VPS26C: variants seen among roughly 807,000 people sequenced by gnomAD.
VPS26C encodes vacuolar protein sorting-associated protein 26C.
VPS26C carries 19 observed loss-of-function variants against 30.6 expected under a neutral mutation model. The ratio of observed to expected loss-of-function variants is 0.62; its 90% CI spans 0.43 to 0.91. The LOEUF (loss-of-function observed/expected upper bound fraction) is 0.91. VPS26C is among the 40% of genes least tolerant of loss of function. The pLI, the probability that VPS26C is intolerant of heterozygous loss-of-function variation, is 0.00. For synonymous variants in VPS26C, 132 were observed against 151.5 expected, an observed-to-expected ratio of 0.87 and a Z score of 0.95; for missense variants, 318 against 385.1, an observed-to-expected ratio of 0.83 and a Z score of 1.46.
rs2086076495 is a variant in VPS26C, at chr21:37,240,610, C to T, written c.87G>A (p.Ser29=). 1.1e-5 allele frequency: 17 copies of T among 1,614,032 alleles called. No homozygotes were observed. The highest frequency in any genetic ancestry group is 1.7e-5 in the Admixed American group (1 of 60,006). ...CCTGGTGTTGGACTGAATCCTTACT[C>T]GATATGACCACCACGCCAGAGAGCA... ...GEVLSGVVVI[S]SKDSVQHQGV... The change falls in exon 2 of 8, where the codon TCG becomes TCA. Residue 29 remains serine, a synonymous_variant. Transcript: ENST00000309117.
intron 1 of VPS26C, among the ~76,000 whole-genome samples, chr21:37,241,770 T>C (rs2086090394): frequency 6.6e-6 from 1 of 152,320 alleles, no homozygotes; most frequent in African/African-American, 2.4e-5. Context: ...TGCAGCGAGC[T>C]GTGACTACGC....
intron 1 of VPS26C, chr21:37,261,264 G>A (rs2086301008): frequency 6.6e-6 from 1 of 152,168 alleles, no homozygotes; most frequent in Non-Finnish European, 1.5e-5. Flanking sequence ...CTGTGTAGAA[G>A]TTTTTTAGCT....
chr21:37,240,403 G>T, intron 2 of VPS26C, 93 bp downstream of exon 2: 1 of 1,431,162 alleles, frequency 7.0e-7, no homozygotes, highest in Non-Finnish European at 9.6e-7. Context: ...GAGATTACAG[G>T]CCTGAGCCAC....
chr21:37,267,623 G>A (rs1602295924), upstream of VPS26C: 21 of 350,058 alleles, frequency 6.0e-5, no homozygotes, highest in East Asian at 1.3e-3. Flanking sequence ...TGCTGTCCGG[G>A]TTAGCGGAGG....
intron 7 of VPS26C, chr21:37,227,299 C>G (rs1569229971): frequency 4.6e-6 from 1 of 217,946 alleles, no homozygotes; most frequent in Non-Finnish European, 9.2e-6. Flanking sequence ...CTCAGCGTCA[C>G]CTGCCCATGT....
chr21:37,236,478 A>G (rs2086026056), intron 3 of VPS26C, among the ~76,000 whole-genome samples: 1 of 152,244 alleles, frequency 6.6e-6, no homozygotes, highest in African/African-American at 2.4e-5. Context: ...AATACTTGAG[A>G]ATTTTTACAA....
At chr21:37,240,022 C>T (rs748439237) in intron 2 of VPS26C, among the ~76,000 whole-genome samples, 1 of 152,176 alleles carries the variant, frequency 6.6e-6, no homozygotes, top group Admixed American at 6.5e-5. Context: ...TCTCCATTTT[C>T]GCAGGTTGAT....
intron 3 of VPS26C, among the ~76,000 whole-genome samples, chr21:37,236,166 T>G (rs1250877802): frequency 6.6e-6 from 1 of 152,206 alleles, no homozygotes; most frequent in African/African-American, 2.4e-5. Flanking sequence ...CAACAAAAGT[T>G]TCTATCCAAA....
At chr21:37,240,906 G>A (rs1246304486) in intron 1 of VPS26C, among the ~76,000 whole-genome samples, 4 of 152,140 alleles carry the variant, frequency 2.6e-5, no homozygotes, top group African/African-American at 9.7e-5. Flanking sequence ...TCTCAGACAT[G>A]TCTTCATTCC....
chr21:37,255,778 G>A (rs1440271792), intron 1 of VPS26C, among the ~76,000 whole-genome samples: 1 of 151,224 alleles, frequency 6.6e-6, no homozygotes, highest in African/African-American at 2.4e-5. Context: ...TAAACTGGTG[G>A]GTCTGTACCT....
At chr21:37,235,879 AT>A (rs1248919097) in intron 3 of VPS26C, among the ~76,000 whole-genome samples, 67 of 111,298 alleles carry the variant, frequency 6.0e-4, no homozygotes, top group South Asian at 4.0e-3. Context: ...ATATATATAT[AT>A]TTTTTTTTTT....
intron 3 of VPS26C, among the ~76,000 whole-genome samples, chr21:37,235,423 G>A (rs780422397): frequency 7.2e-5 from 11 of 152,112 alleles, no homozygotes; most frequent in Non-Finnish European, 1.3e-4. Flanking sequence ...CGTGAGCCAC[G>A]GTGCCCAGCC....
intron 1 of VPS26C, among the ~76,000 whole-genome samples, chr21:37,266,272 A>G (rs1272826034): frequency 2.6e-5 from 4 of 152,122 alleles, no homozygotes; most frequent in Non-Finnish European, 4.4e-5. Flanking sequence ...GCTTGTGTAA[A>G]TAAGAGCAGG....
At chr21:37,249,012 T>C (rs868596224) in intron 1 of VPS26C, among the ~76,000 whole-genome samples, 22 of 152,174 alleles carry the variant, frequency 1.4e-4, no homozygotes, top group African/African-American at 4.6e-4. Context: ...GTCATCTCCA[T>C]AGATGCTGAA....
At chr21:37,227,946 G>T in intron 6 of VPS26C, 140 bp from the exon 7 acceptor site, 2 of 1,172,158 alleles carry the variant, frequency 1.7e-6, no homozygotes, top group Non-Finnish European at 2.4e-6. Context: ...CGCGGCTACT[G>T]CTAAGGCACA....
chr21:37,246,203 C>T (rs984720861), intron 1 of VPS26C, among the ~76,000 whole-genome samples: 1 of 152,040 alleles, frequency 6.6e-6, no homozygotes, highest in Admixed American at 6.5e-5. Flanking sequence ...AAAGTGTTCT[C>T]ATTCAAAAAA....
intron 2 of VPS26C, 78 bp from the exon 3 acceptor site, chr21:37,238,687 A>G: frequency 6.4e-7 from 1 of 1,551,394 alleles, no homozygotes; most frequent in Non-Finnish European, 8.7e-7. Context: ...GTTCTGAAGG[A>G]CACAGCACCC....
At chr21:37,241,692 C>T (rs1269617476) in intron 1 of VPS26C, among the ~76,000 whole-genome samples, 2 of 152,236 alleles carry the variant, frequency 1.3e-5, no homozygotes, top group East Asian at 1.9e-4. Context: ...TGTGGTGGCA[C>T]CCACCTGTGG....
At chr21:37,240,365 T>G in intron 2 of VPS26C, 131 bp downstream of exon 2, 3 of 958,640 alleles carry the variant, frequency 3.1e-6, no homozygotes, top group Non-Finnish European at 4.6e-6. Flanking sequence ...GCTCAAGCGA[T>G]CCTCCCGCCT....
Sources: gnomAD v4.1 joint callset for allele counts (sites outside exome capture counted in the v4.1 genomes callset) on GRCh38, gnomAD v4.1.1 for gene constraint, MANE v1.5 for transcripts, NCBI Gene and HGNC (gene_info 2026-07-23, HGNC 2026-07-21) for gene names.